Variants in KIF21A observed in about 807,000 individuals in gnomAD.
The protein encoded by KIF21A is kinesin-like protein KIF21A.
In KIF21A, 114 loss-of-function variants were observed where a neutral mutation model predicts 202.9. The observed-to-expected ratio is 0.56, with a 90% CI of 0.48 to 0.66. The LOEUF (loss-of-function observed/expected upper bound fraction) is 0.66, where lower values mean the gene tolerates loss of function less well. Among genes scored for constraint, KIF21A ranks in the 30% least tolerant of loss-of-function variants. The pLI is 0.00. For missense variants in KIF21A, 1,677 were observed against 1,994.9 expected, an observed-to-expected ratio of 0.84 and a Z score of 3.04; for synonymous variants, 667 against 670.8, an observed-to-expected ratio of 0.99 and a Z score of 0.09.
At chr12:39,303,225 G>T in intron 35 of KIF21A, 90 bp from the exon 36 acceptor site, 1 of 1,059,644 alleles carries the variant, frequency 9.4e-7, no homozygotes, top group Non-Finnish European at 1.4e-6. Flanking sequence ...ACACATGTAT[G>T]TTAATCAGAC....
chr12:39,371,197 G>T (rs1281255708), intron 1 of KIF21A, among the ~76,000 whole-genome samples: 1 of 152,110 alleles, frequency 6.6e-6, no homozygotes, highest in Non-Finnish European at 1.5e-5. Context: ...TGAATCTGTG[G>T]TTGTGGAACC....
intron 5 of KIF21A, among the ~76,000 whole-genome samples, chr12:39,366,810 T>C (rs900455010): frequency 1.3e-5 from 2 of 152,206 alleles, no homozygotes; most frequent in Admixed American, 1.3e-4. Context: ...CAACAACATA[T>C]GGCCACAGCA....
At chr12:39,374,794 C>T (rs376840428) in intron 1 of KIF21A, among the ~76,000 whole-genome samples, 1 of 152,162 alleles carries the variant, frequency 6.6e-6, no homozygotes, top group African/African-American at 2.4e-5. Context: ...CTATGAGGAG[C>T]CTGGCTTTAC....
chr12:39,316,524 C>T (rs1180807875), intron 29 of KIF21A, among the ~76,000 whole-genome samples: 2 of 152,138 alleles, frequency 1.3e-5, no homozygotes, highest in African/African-American at 2.4e-5. Context: ...ATCTGAGTAA[C>T]AGCTGGGGTA....
At chr12:39,375,047 G>A (rs1950184918) in intron 1 of KIF21A, among the ~76,000 whole-genome samples, 1 of 152,120 alleles carries the variant, frequency 6.6e-6, no homozygotes, top group Non-Finnish European at 1.5e-5. Context: ...GCTCATTGCT[G>A]TGGAAGGAAC....
Position 39,301,625 on chromosome 12 carries a change from G to A in KIF21A, c.4786C>T (p.His1596Tyr), listed in dbSNP as rs141385146. ...WVCALGVVPDHPVLLSGCRGG... is the reference protein window; with the variant it reads ...WVCALGVVPDYPVLLSGCRGG... ...CTGCAGCCACTGAGCAAAACTGGGT[G>A]GTCTGGCACCACTCCCAGGGCACAG... is the stretch of plus-strand genomic sequence containing the variant. Residue 1596 changes from histidine (H) to tyrosine (Y), a missense_variant, in exon 37 of 38, where the codon CAC becomes TAC. Around this residue, in one of 3 missense-constraint regions of KIF21A, gnomAD observed 705 missense variants for 791.9 expected, o/e 0.89. Coordinates refer to ENST00000361418, the MANE Select transcript of KIF21A (RefSeq NM_001173464.2). The A allele has an allele frequency of 6.2e-7, 1 of 1,614,010 alleles. No homozygotes were observed. The highest frequency in any genetic ancestry group is 8.5e-7 in the Non-Finnish European group (1 of 1,179,974).
chr12:39,405,889 C>T (rs1214284794), intron 1 of KIF21A, among the ~76,000 whole-genome samples: 1 of 152,028 alleles, frequency 6.6e-6, no homozygotes, highest in African/African-American at 2.4e-5. Context: ...CAGTAGTGGA[C>T]AAAATAGTAA....
chr12:39,427,832 T>C (rs939232896), intron 1 of KIF21A, among the ~76,000 whole-genome samples: 1 of 152,188 alleles, frequency 6.6e-6, no homozygotes, highest in Non-Finnish European at 1.5e-5. Flanking sequence ...CTAATTTTTG[T>C]ATTGTTAATA....
intron 1 of KIF21A, among the ~76,000 whole-genome samples, chr12:39,418,818 ACATGTTC>A (rs954646463): frequency 2.0e-5 from 3 of 152,204 alleles, no homozygotes; most frequent in Non-Finnish European, 4.4e-5. Context: ...AGCCCCCAGA[ACATGTTC>A]CATTGGCTTA....
At chr12:39,369,963 G>A in intron 2 of KIF21A, 52 bp from the exon 3 acceptor site, 1 of 1,596,814 alleles carries the variant, frequency 6.3e-7, no homozygotes, top group Non-Finnish European at 8.6e-7. Flanking sequence ...ATAACCTTAA[G>A]AAACAAAAAT....
At chr12:39,346,573 A>G in intron 11 of KIF21A, 69 bp from the exon 12 acceptor site, 1 of 1,107,596 alleles carries the variant, frequency 9.0e-7, no homozygotes, top group South Asian at 2.5e-5. Context: ...GTAAAAAGCG[A>G]AAGTGATAAG....
chr12:39,405,079 C>A (rs997145744), intron 1 of KIF21A, among the ~76,000 whole-genome samples: 20 of 152,098 alleles, frequency 1.3e-4, no homozygotes, highest in Non-Finnish European at 1.5e-4. Flanking sequence ...GAAGGCCAGG[C>A]ACTGGCTCAT....
At chr12:39,410,908 T>TGGAG (rs1030270094) in intron 1 of KIF21A, among the ~76,000 whole-genome samples, 5 of 152,178 alleles carry the variant, frequency 3.3e-5, no homozygotes, top group African/African-American at 4.8e-5. Context: ...CCTGGAGGAA[T>TGGAG]GGAGGGAGGG....
chr12:39,377,670 G>T (rs1360731942), intron 1 of KIF21A, among the ~76,000 whole-genome samples: 2 of 152,154 alleles, frequency 1.3e-5, no homozygotes, highest in African/African-American at 4.8e-5. Flanking sequence ...GATGGGTGAT[G>T]AGAAGAAAGG....
intron 24 of KIF21A, among the ~76,000 whole-genome samples, chr12:39,329,458 G>A (rs1946298242): frequency 6.6e-6 from 1 of 152,102 alleles, no homozygotes; most frequent in Non-Finnish European, 1.5e-5. Flanking sequence ...GAACAAGAAG[G>A]AGGAGAAAGA....
chr12:39,425,756 A>AG (rs1954691322), intron 1 of KIF21A, among the ~76,000 whole-genome samples: 1 of 152,082 alleles, frequency 6.6e-6, no homozygotes, highest in South Asian at 2.1e-4. Flanking sequence ...GAGGGAACAG[A>AG]GGCTTAGGCA....
chr12:39,353,951 G>T (rs917011490), intron 10 of KIF21A, among the ~76,000 whole-genome samples: 12 of 152,046 alleles, frequency 7.9e-5, no homozygotes, highest in African/African-American at 2.9e-4. Flanking sequence ...AGGTATGAGG[G>T]CAAGTGTACA....
At position 39,309,779 on chromosome 12, in the gene KIF21A, C is replaced by T. The variant is rs777651712; in HGVS notation, c.4097-13G>A. On this transcript the variant is annotated splice_polypyrimidine_tract_variant and intron_variant, in intron 32 of 37. Transcript: ENST00000361418. ...TTACAAGTACGATCTAAAACAAACA[C>T]ATAAAAAAAAGAAAACACCATTAAT... 5 of 1,608,902 alleles carry T rather than the reference C, an allele frequency of 3.1e-6. No individual in the cohort carries two copies. In the South Asian group the frequency reaches 4.4e-5, roughly 14 times the overall value.
At position 39,330,256 on chromosome 12, in the gene KIF21A, T is replaced by C. The variant is rs1294831190; in HGVS notation, c.3326A>G (p.Asp1109Gly). The change falls in exon 24 of 38, where the codon GAT (aspartate) becomes GGT (glycine). Residue 1109 changes from aspartate to glycine, a missense_variant. Physicochemically the swap from Asp to Gly is moderately conservative, Grantham distance 94. This residue lies in a region of KIF21A where 705 missense variants were observed against 791.9 expected (regional missense o/e 0.89). Coordinates refer to ENST00000361418, the MANE Select transcript of KIF21A (RefSeq NM_001173464.2). ...ALLGHALQDLDSVPLENVEDS... is the reference protein window; with the variant it reads ...ALLGHALQDLGSVPLENVEDS... ...AACATACTTACCTAATGGTACGCTA[T>C]CTAGATCTGTGTAAATAACAGCAAA... is the stretch of plus-strand genomic sequence containing the variant. 3.1e-6 allele frequency: 5 copies of C among 1,612,242 alleles called. No homozygotes were observed. Among genetic ancestry groups the C allele is most frequent in the Non-Finnish European group, 4.2e-6 (5 of 1,178,694 alleles).
Sources: gnomAD v4.1 joint callset for allele counts (sites outside exome capture counted in the v4.1 genomes callset) on GRCh38, gnomAD v4.1.1 for gene constraint, gnomAD v4.1.1 regional missense constraint, MANE v1.5 for transcripts, NCBI Gene and HGNC (gene_info 2026-07-23, HGNC 2026-07-21) for gene names.